Variants in PCDH15 observed in about 807,000 individuals in gnomAD.
PCDH15 encodes protocadherin related 15.
Under a neutral mutation model 178.5 loss-of-function variants are expected in PCDH15, and 129 were observed. The ratio of observed to expected loss-of-function variants is 0.72; its 90% CI spans 0.63 to 0.84. The LOEUF (loss-of-function observed/expected upper bound fraction) is 0.84. Among genes scored for constraint, PCDH15 ranks in the 40% least tolerant of loss-of-function variants. The probability of loss-of-function intolerance (pLI) is 0.00; values close to 1 mark genes in which losing one functional copy is unlikely to be tolerated. For synonymous variants in PCDH15, 800 were observed against 732.0 expected (o/e 1.09, Z -1.50); for missense variants, 2,230 against 2,099.9 (o/e 1.06, Z -1.21).
chr10:54,106,621 A>G (rs2094922305), intron 15 of PCDH15, among the ~76,000 whole-genome samples: 1 of 152,234 alleles, frequency 6.6e-6, no homozygotes, highest in African/African-American at 2.4e-5. Context: ...AACGAGCATA[A>G]AAAACAGACT....
intron 3 of PCDH15, among the ~76,000 whole-genome samples, chr10:54,875,117 G>A (rs2131799577): frequency 6.6e-6 from 1 of 152,246 alleles, no homozygotes; most frequent in South Asian, 2.1e-4. Context: ...AACAGCACGT[G>A]CTCATTTCAT....
chr10:55,355,296 ATAGAAAGAGTACATT>A (rs1845047433), intron 2 of PCDH15, among the ~76,000 whole-genome samples: 1 of 152,040 alleles, frequency 6.6e-6, no homozygotes, highest in Non-Finnish European at 1.5e-5. Flanking sequence ...GCTCGGTCAC[ATAGAAAGAGTACATT>A]TAACTTTATA....
At chr10:55,407,331 T>A (rs1276347258) in intron 2 of PCDH15, among the ~76,000 whole-genome samples, 1 of 152,158 alleles carries the variant, frequency 6.6e-6, no homozygotes. Context: ...TGGAGCAATG[T>A]CCTTTTGGTA....
intron 1 of PCDH15, among the ~76,000 whole-genome samples, chr10:54,757,976 T>C (rs1235451460): frequency 6.6e-6 from 1 of 152,210 alleles, no homozygotes; most frequent in African/African-American, 2.4e-5. Flanking sequence ...TGCTTTATAT[T>C]ATTTGAGCTG....
At chr10:55,080,897 C>T (rs2132025356) in intron 2 of PCDH15, among the ~76,000 whole-genome samples, 1 of 152,280 alleles carries the variant, frequency 6.6e-6, no homozygotes, top group Non-Finnish European at 1.5e-5. Context: ...CCCACCTCCA[C>T]TCCCAGTGGC....
chr10:55,323,395 ACT>A (rs1843954288), upstream of PCDH15, among the ~76,000 whole-genome samples: 1 of 152,178 alleles, frequency 6.6e-6, no homozygotes, highest in Non-Finnish European at 1.5e-5. Context: ...GACAGCTTCT[ACT>A]GTGTGCTTGG....
At chr10:54,440,426 T>C (rs2075727533) in intron 3 of PCDH15, among the ~76,000 whole-genome samples, 2 of 151,980 alleles carry the variant, frequency 1.3e-5, no homozygotes, top group African/African-American at 4.8e-5. Flanking sequence ...ATTTATCATT[T>C]AATAAATTAC....
chr10:54,055,398 G>T (rs1259234859), intron 18 of PCDH15, among the ~76,000 whole-genome samples: 1 of 152,120 alleles, frequency 6.6e-6, no homozygotes, highest in East Asian at 1.9e-4. Context: ...GAAGTTTACT[G>T]GGAATCAGCT....
Position 54,005,749 on chromosome 10 carries a change from A to G in PCDH15, c.2752-9984T>C, listed in dbSNP as rs2135082439. The stretch of plus-strand genomic sequence containing the variant: ...ACAACCACTATGGAGAACAGTATGG[A>G]AGTTCCTATAAAACTAAAAATAGAG... On this transcript the variant is annotated intron_variant, in intron 20 of 37. Transcript: ENST00000644397. Among the ~76,000 whole-genome samples, 2 of 152,196 alleles carry G rather than the reference A, an allele frequency of 1.3e-5. 1 individual carries two copies. The highest frequency in any genetic ancestry group is 4.2e-4 in the South Asian group (2 of 4,816).
chr10:54,418,884 C>T (rs951654189), intron 3 of PCDH15, among the ~76,000 whole-genome samples: 2 of 151,906 alleles, frequency 1.3e-5, no homozygotes, highest in Non-Finnish European at 2.9e-5. Flanking sequence ...GCAACATTCA[C>T]TTCAAGGGTT....
At chr10:54,729,173 G>C (rs779426568) in intron 1 of PCDH15, among the ~76,000 whole-genome samples, 1 of 151,270 alleles carries the variant, frequency 6.6e-6, no homozygotes, top group African/African-American at 2.4e-5. Flanking sequence ...TAAATTATAC[G>C]ACAAGGCAAT....
intron 3 of PCDH15, among the ~76,000 whole-genome samples, chr10:54,490,550 T>C (rs940899420): frequency 1.3e-5 from 2 of 152,014 alleles, no homozygotes; most frequent in Admixed American, 6.6e-5. Context: ...AGTTATCATA[T>C]GATATGTCCT....
rs1491511066 is a variant in PCDH15, at chr10:54,442,414, C to CTTTATATATATATATATATA, written c.158-63473_158-63472insTATATATATATATATATAAA. Among the ~76,000 whole-genome samples the CTTTATATATATATATATATA allele has an allele frequency of 3.1e-4, 6 of 19,194 alleles. 1 individual carries two copies. Among genetic ancestry groups the CTTTATATATATATATATATA allele is most frequent in the East Asian group, 2.3e-3 (1 of 432 alleles). 12.6% of individuals were successfully genotyped at this position (19,194 alleles called of 152,430 possible). A position where few individuals can be genotyped will look rare whatever the true frequency, so the allele number is the denominator to read the frequency against. ...TTAAAAAAAAAAAAGGCCTTAAAGGCTATATATATATATATATATATATAT... is the reference window on the plus strand; with the variant it reads ...TTAAAAAAAAAAAAGGCCTTAAAGGCTTTATATATATATATATATATATATATATATATATATATATATAT... On this transcript the variant is annotated intron_variant, in intron 3 of 37. Coordinates refer to ENST00000644397, the MANE Select transcript of PCDH15 (RefSeq NM_001384140.1).
chr10:54,490,520 A>C (rs2079496325), intron 3 of PCDH15, among the ~76,000 whole-genome samples: 1 of 151,814 alleles, frequency 6.6e-6, no homozygotes, highest in Admixed American at 6.6e-5. Context: ...ATAATTTTTT[A>C]ATAAAAAAAT....
intron 3 of PCDH15, among the ~76,000 whole-genome samples, chr10:54,430,044 T>C (rs1399729022): frequency 3.5e-5 from 5 of 142,392 alleles, no homozygotes; most frequent in Admixed American, 2.2e-4. Flanking sequence ...TTTTTCCTTC[T>C]TCTCCTTTTT....
intron 2 of PCDH15, among the ~76,000 whole-genome samples, chr10:54,961,823 G>T (rs144860967): frequency 3.9e-4 from 60 of 152,002 alleles, no homozygotes; most frequent in African/African-American, 1.2e-3. Flanking sequence ...GTACCTTTGG[G>T]TCTCCTCTAC....
At chr10:54,256,880 A>C (rs1406497360) in intron 8 of PCDH15, among the ~76,000 whole-genome samples, 2 of 152,086 alleles carry the variant, frequency 1.3e-5, no homozygotes, top group East Asian at 3.9e-4. Flanking sequence ...CAGTGCCTGA[A>C]ATTTTTTGTT....
intron 1 of PCDH15, among the ~76,000 whole-genome samples, chr10:55,273,095 A>C (rs1236387516): frequency 6.6e-6 from 1 of 152,030 alleles, no homozygotes; most frequent in Non-Finnish European, 1.5e-5. Context: ...TGAATGAAAA[A>C]CTGTGAAAGA....
intron 3 of PCDH15, chr10:54,486,124 A>C (rs1178357436): frequency 5.9e-5 from 9 of 152,056 alleles, no homozygotes; most frequent in African/African-American, 2.2e-4. Flanking sequence ...ACATTGATAT[A>C]GTTACCATAA....
Sources: allele counts gnomAD v4.1 joint callset (sites outside exome capture counted in the v4.1 genomes callset), GRCh38; gene constraint gnomAD v4.1.1; transcripts MANE v1.5; gene names NCBI Gene and HGNC (gene_info 2026-07-23, HGNC 2026-07-21).